The following CLDN14 variants were observed in gnomAD, a reference collection of about 807,000 sequenced individuals.
CLDN14 encodes claudin-14.
CLDN14 carries 2 observed loss-of-function variants against 2.1 expected under a neutral mutation model. The ratio of observed to expected loss-of-function variants is 0.96; its 90% CI spans 0.39 to 3.01. The LOEUF is 3.01. Among genes scored for constraint, CLDN14 ranks in the 30% most tolerant of loss-of-function variants. The probability of loss-of-function intolerance (pLI) is 0.09; values close to 1 mark genes in which losing one functional copy is unlikely to be tolerated. For missense variants in CLDN14, 298 were observed against 328.0 expected (o/e 0.91, Z 0.71); for synonymous variants, 136 against 154.4 (o/e 0.88, Z 0.88).
At chr21:36,523,776 A>AG (rs2087294803) in intron 1 of CLDN14, among the ~76,000 whole-genome samples, 2 of 36,776 alleles carry the variant, frequency 5.4e-5, no homozygotes, top group Non-Finnish European at 1.6e-4. Context: ...AGAAAGAGAG[A>AG]AAGAGAGAAA....
intron 1 of CLDN14, among the ~76,000 whole-genome samples, chr21:36,533,485 G>A (rs80060878): frequency 1.3e-4 from 20 of 152,292 alleles, no homozygotes; most frequent in East Asian, 3.9e-4. Flanking sequence ...AAAGTGGGGC[G>A]CGCCCATTCT....
At position 36,486,065 on chromosome 21, in the gene CLDN14, G is replaced by C. The variant is rs766386831; in HGVS notation, c.-81-24289C>G. On this transcript the variant is annotated intron_variant, in intron 2 of 2. Transcript: ENST00000342108. ...CAGGGAGCCCACAGCGTTTCAAATG[G>C]CTTCATTGTTGGGATCCACACCTGG... 10 of 1,404,264 alleles carry C rather than the reference G, an allele frequency of 7.1e-6. No homozygotes were observed. The Admixed American group carries it at 1.2e-4, about 17-fold the overall frequency. The allele number at this position is 1,404,264 out of a possible 1,614,324, so 87.0% of individuals were successfully genotyped here.
chr21:36,539,652 GTAGT>G (rs1208608674), intron 1 of CLDN14, among the ~76,000 whole-genome samples: 10 of 148,462 alleles, frequency 6.7e-5, no homozygotes, highest in Non-Finnish European at 1.0e-4. Flanking sequence ...GAGTGTGTGT[GTAGT>G]GAGTATGTGT....
chr21:36,535,795 T>C (rs1377489085), intron 1 of CLDN14, among the ~76,000 whole-genome samples: 1 of 152,190 alleles, frequency 6.6e-6, no homozygotes, highest in Admixed American at 6.5e-5. Context: ...AAAATTATTA[T>C]CTCAAAGCAC....
At chr21:36,489,587 G>A (rs918478052) in intron 2 of CLDN14, among the ~76,000 whole-genome samples, 3 of 152,190 alleles carry the variant, frequency 2.0e-5, no homozygotes, top group Non-Finnish European at 4.4e-5. Context: ...GGCCTGGTGG[G>A]GGGCCGGGGA....
rs1458510437 is a variant in CLDN14, at chr21:36,555,672, T to C, written c.-220+20739A>G. ...CTCGTTCCTAAGGCTGGTCAGGTGG[T>C]ATGTGGGACATTGCCCAAAGATGTC... is the stretch of plus-strand genomic sequence containing the variant. On this transcript the variant is annotated intron_variant, in intron 1 of 2. Coordinates refer to the CLDN14 transcript ENST00000342108. Among the ~76,000 whole-genome samples the C allele has an allele frequency of 4.6e-5, 7 of 152,124 alleles. No individual in the cohort carries two copies. In the South Asian group the frequency reaches 1.2e-3, roughly 27 times the overall value.
At chr21:36,513,990 G>T (rs1440743971) in intron 1 of CLDN14, among the ~76,000 whole-genome samples, 1 of 152,046 alleles carries the variant, frequency 6.6e-6, no homozygotes, top group East Asian at 1.9e-4. Flanking sequence ...ACACCACCAT[G>T]CCTAGCTTAT....
chr21:36,468,734 A>G (rs1240505358), intron 1 of CLDN14, among the ~76,000 whole-genome samples: 2 of 151,378 alleles, frequency 1.3e-5, no homozygotes, highest in African/African-American at 4.9e-5. Flanking sequence ...TTCAACTAGT[A>G]TTACTTTTTT....
intron 1 of CLDN14, among the ~76,000 whole-genome samples, chr21:36,548,619 C>T (rs1281655641): frequency 2.0e-5 from 3 of 152,158 alleles, no homozygotes; most frequent in Non-Finnish European, 4.4e-5. Context: ...TAGAGGGTTG[C>T]GTGGATGGTT....
chr21:36,486,422 C>T, intron 2 of CLDN14: 2 of 1,316,174 alleles, frequency 1.5e-6, no homozygotes, highest in South Asian at 1.2e-5. Context: ...GCCGCTGCTG[C>T]TGCTCCTCCA....
At chr21:36,534,419 G>C (rs1006693439) in intron 1 of CLDN14, among the ~76,000 whole-genome samples, 1 of 152,180 alleles carries the variant, frequency 6.6e-6, no homozygotes, top group Non-Finnish European at 1.5e-5. Flanking sequence ...GAGCAAGGTC[G>C]TGAACTTCAA....
chr21:36,503,438 C>G (rs528337472), intron 2 of CLDN14, among the ~76,000 whole-genome samples: 1 of 152,314 alleles, frequency 6.6e-6, no homozygotes, highest in East Asian at 1.9e-4. Flanking sequence ...GTAATTGAAT[C>G]ATGGGGCCAG....
chr21:36,465,538 G>A (rs971858810), intron 1 of CLDN14, among the ~76,000 whole-genome samples: 17 of 152,102 alleles, frequency 1.1e-4, no homozygotes, highest in Admixed American at 8.5e-4. Context: ...CAACTTCCCC[G>A]CAACTACTTT....
intron 1 of CLDN14, among the ~76,000 whole-genome samples, chr21:36,542,154 G>C (rs1001342104): frequency 2.6e-5 from 4 of 152,122 alleles, no homozygotes; most frequent in African/African-American, 9.7e-5. Context: ...TAGTAGAGAC[G>C]GGGTTTCACC....
At chr21:36,492,704 G>C (rs1364007714) in intron 2 of CLDN14, among the ~76,000 whole-genome samples, 8 of 152,218 alleles carry the variant, frequency 5.3e-5, no homozygotes, top group Admixed American at 4.6e-4. Context: ...ACAAAAAAAG[G>C]ATAGGCATGG....
rs2087065206 is a variant in CLDN14 at position 36,498,844 on chromosome 21, C to T, written c.-82+11519G>A. 6.6e-6 allele frequency among the ~76,000 whole-genome samples: 1 copy of T among 152,124 alleles called. No individual in the cohort carries two copies. The highest frequency in any genetic ancestry group is 2.4e-5 in the African/African-American group (1 of 41,422). On this transcript the variant is annotated intron_variant, in intron 2 of 2. Transcript: ENST00000342108. This position sits in a 1 kb window ranked among gnomAD's most constrained non-coding sequence, Gnocchi z 4.9. Reference sequence around the variant, plus strand: ...ACGAAGGTGGCCGCTGAGGGGCCCTCATGGGGGCTGAAATTCAACCAAGGC... The same window carrying T: ...ACGAAGGTGGCCGCTGAGGGGCCCTTATGGGGGCTGAAATTCAACCAAGGC...
intron 2 of CLDN14, chr21:36,486,837 G>T: frequency 1.4e-6 from 1 of 735,476 alleles, no homozygotes; most frequent in Non-Finnish European, 2.5e-6. Flanking sequence ...GGATGCCAGT[G>T]TAGAAGGTGA....
At chr21:36,482,544 G>C (rs1169201697), upstream of CLDN14, among the ~76,000 whole-genome samples, 1 of 152,156 alleles carries the variant, frequency 6.6e-6, no homozygotes, top group Non-Finnish European at 1.5e-5. Flanking sequence ...CCAGACTAGG[G>C]TCTGACACAT....
intron 1 of CLDN14, among the ~76,000 whole-genome samples, chr21:36,518,417 A>G (rs1206799069): frequency 1.3e-5 from 2 of 152,154 alleles, no homozygotes; most frequent in African/African-American, 4.8e-5. Context: ...CCTGTCCAAC[A>G]TGGTGAAACC....
Sources: gnomAD v4.1 joint callset for allele counts (sites outside exome capture counted in the v4.1 genomes callset) on GRCh38, gnomAD v4.1.1 for gene constraint, Gnocchi (gnomAD v3.1) non-coding constraint, MANE v1.5 for transcripts, NCBI Gene and HGNC (gene_info 2026-07-23, HGNC 2026-07-21) for gene names.